Variants in IL16 observed in about 807,000 individuals in gnomAD.
The protein encoded by IL16 is interleukin 16.
IL16 carries 67 observed loss-of-function variants against 110.1 expected under a neutral mutation model. That is an observed-to-expected ratio of 0.61 (90% CI 0.50 to 0.75). IL16 has a LOEUF of 0.75. Among genes scored for constraint, IL16 ranks in the 30% least tolerant of loss-of-function variants. The pLI is 0.00. For synonymous variants in IL16, 689 were observed against 662.9 expected, an observed-to-expected ratio of 1.04 and a Z score of -0.61; for missense variants, 1,545 against 1,655.0, an observed-to-expected ratio of 0.93 and a Z score of 1.15.
chr15:81,218,470 T>G (rs573631165), intron 1 of IL16, among the ~76,000 whole-genome samples: 1 of 152,266 alleles, frequency 6.6e-6, no homozygotes, highest in Non-Finnish European at 1.5e-5. Flanking sequence ...CCACCAGACA[T>G]TTTAGAACCT....
intron 4 of IL16, 23 bp downstream of exon 4, chr15:81,265,824 T>G (rs377538612): frequency 3.8e-6 from 6 of 1,599,684 alleles, no homozygotes; most frequent in Admixed American, 1.7e-5. Flanking sequence ...GGAGGGAAAC[T>G]CAGAGAAGAG....
At chr15:81,276,127 A>G (rs186189781) in intron 6 of IL16, among the ~76,000 whole-genome samples, 5 of 152,324 alleles carry the variant, frequency 3.3e-5, no homozygotes, top group Admixed American at 6.5e-5. Context: ...TTTTAAATGT[A>G]TCTATTTTCC....
chr15:81,246,214 G>T (rs956490291), intron 2 of IL16, among the ~76,000 whole-genome samples: 2 of 152,004 alleles, frequency 1.3e-5, no homozygotes, highest in African/African-American at 4.8e-5. Flanking sequence ...TCTAAAATGC[G>T]AGAGTTTTAT....
chr15:81,303,819 G>A lies in IL16; in HGVS notation c.3420+169G>A, dbSNP rs942924281. On this transcript the variant is annotated intron_variant, in intron 16 of 18. Coordinates refer to ENST00000683961, the MANE Select transcript of IL16 (RefSeq NM_172217.5). The surrounding 1 kb of genome is among the most constrained non-coding windows in gnomAD (Gnocchi z 4.1). ...ACATCCCAGAGCCTGGGGCTGCGTG[G>A]AGAGGGTAGCAGGCCTGGCCATGGG... Among the ~76,000 whole-genome samples, 1 of 152,262 alleles carries A rather than the reference G, an allele frequency of 6.6e-6. No individual in the cohort carries two copies. The highest frequency in any genetic ancestry group is 2.4e-5 in the African/African-American group (1 of 41,472).
chr15:81,242,093 A>G (rs1483169229), intron 2 of IL16, among the ~76,000 whole-genome samples: 2 of 151,620 alleles, frequency 1.3e-5, no homozygotes, highest in African/African-American at 2.4e-5. Flanking sequence ...TGTGTTCTCT[A>G]TTCTATGTAT....
chr15:81,209,751 T>C (rs115480823), intron 1 of IL16, among the ~76,000 whole-genome samples: 12,791 of 152,162 alleles, frequency 0.084, 533 homozygotes, highest in Middle Eastern at 0.1. Flanking sequence ...CTAGTCCATG[T>C]CCTGTCTGCC....
intron 1 of IL16, among the ~76,000 whole-genome samples, chr15:81,203,729 G>A (rs1727046699): frequency 6.6e-6 from 1 of 152,190 alleles, no homozygotes; most frequent in African/African-American, 2.4e-5. Context: ...CTGCAGCCTT[G>A]TAGTATAGTT....
At chr15:81,199,436 G>A (rs191716858) in intron 1 of IL16, among the ~76,000 whole-genome samples, 52 of 152,322 alleles carry the variant, frequency 3.4e-4, no homozygotes, top group African/African-American at 1.2e-3. Flanking sequence ...GGAGGGAGGC[G>A]CTGTTCTTGC....
At chr15:81,277,596 A>T (rs886349011) in intron 6 of IL16, among the ~76,000 whole-genome samples, 3 of 152,094 alleles carry the variant, frequency 2.0e-5, no homozygotes, top group Admixed American at 6.5e-5. Context: ...GGTGCATGCC[A>T]CTACATCCAG....
intron 2 of IL16, among the ~76,000 whole-genome samples, chr15:81,233,970 T>C (rs1296492575): frequency 6.6e-6 from 1 of 152,136 alleles, no homozygotes; most frequent in Non-Finnish European, 1.5e-5. Context: ...TCTATGTGCA[T>C]AGACCTTTAT....
intron 1 of IL16, among the ~76,000 whole-genome samples, chr15:81,223,933 T>A (rs1238908403): frequency 6.6e-6 from 1 of 152,212 alleles, no homozygotes; most frequent in Admixed American, 6.5e-5. Flanking sequence ...AGTACAAAAC[T>A]TAGGCATGTT....
Position 81,292,734 on chromosome 15 carries a change from G to A in IL16, c.1599G>A (p.Pro533=), listed in dbSNP as rs200203181. 7.4e-5 allele frequency: 120 copies of A among 1,614,180 alleles called. No individual in the cohort carries two copies. The highest frequency in any genetic ancestry group is 5.2e-4 in the South Asian group (47 of 91,090). ...CTGGGAGTGGCAGTGCTGAGAAGCC[G>A]TCCTCTGACGTGGACATCAGCACAC... ...GSPGSGSAEK[P]SSDVDISTHS... is the part of the protein sequence containing the mutation. The change falls in exon 12 of 19, where the codon CCG becomes CCA. Residue 533 remains proline, a synonymous_variant. Transcript: ENST00000683961.
intron 1 of IL16, among the ~76,000 whole-genome samples, chr15:81,191,560 T>C (rs1353327793): frequency 6.6e-6 from 1 of 152,142 alleles, no homozygotes; most frequent in Non-Finnish European, 1.5e-5. Flanking sequence ...GGGACCTAGA[T>C]GGGGCGGATG....
At position 81,292,671 on chromosome 15, in the gene IL16, T is replaced by C. The variant is rs1567040564; in HGVS notation, c.1536T>C (p.Ser512=). The C allele has an allele frequency of 6.2e-7, 1 of 1,613,966 alleles. No homozygotes were observed. The highest frequency in any genetic ancestry group is 8.5e-7 in the Non-Finnish European group (1 of 1,179,996). ...RAQKVMIRSS[S]DSSYMSGSPG... ...AGAAGGTCATGATCCGCTCCAGCAG[T>C]GACAGCAGCTACATGTCTGGGTCCC... Residue 512 remains serine, a synonymous_variant, in exon 12 of 19, where the codon AGT becomes AGC. Transcript: ENST00000683961.
rs566977638 is a variant in IL16, at chr15:81,210,419, G to A, written c.-102+13267G>A. 6.0e-4 allele frequency among the ~76,000 whole-genome samples: 92 copies of A among 152,302 alleles called. 1 individual carries two copies. In the South Asian group the frequency reaches 0.019, roughly 32 times the overall value. ...GAAGAAGGACACTGGTAGTTTGATA[G>A]GAATAGCATTCAATCTTTAAATTGC... is the stretch of plus-strand genomic sequence containing the variant. On this transcript the variant is annotated intron_variant, in intron 1 of 18. Transcript: ENST00000683961.
chr15:81,294,278 G>T (rs569332984), intron 12 of IL16, among the ~76,000 whole-genome samples: 11 of 152,204 alleles, frequency 7.2e-5, no homozygotes, highest in Non-Finnish European at 1.6e-4. Context: ...GTTATCAGAT[G>T]GATCTGTTCT....
At chr15:81,219,962 G>A (rs751002216) in intron 1 of IL16, among the ~76,000 whole-genome samples, 1 of 152,122 alleles carries the variant, frequency 6.6e-6, no homozygotes, top group Non-Finnish European at 1.5e-5. Flanking sequence ...CTCTCCAGGA[G>A]GTAACAGTAT....
chr15:81,186,573 C>A (rs1895422912), intron 1 of IL16, among the ~76,000 whole-genome samples: 1 of 152,238 alleles, frequency 6.6e-6, no homozygotes, highest in Admixed American at 6.5e-5. Context: ...AAAAACAGAT[C>A]AGATGCCTGT....
At chr15:81,286,934 G>A (rs1169593034) in intron 10 of IL16, among the ~76,000 whole-genome samples, 1 of 152,218 alleles carries the variant, frequency 6.6e-6, no homozygotes, top group Non-Finnish European at 1.5e-5. Flanking sequence ...TAAGAGCCAA[G>A]TGAAAGGGGA....
Sources: gnomAD v4.1 joint callset for allele counts (sites outside exome capture counted in the v4.1 genomes callset) on GRCh38, gnomAD v4.1.1 for gene constraint, Gnocchi (gnomAD v3.1) non-coding constraint, MANE v1.5 for transcripts, NCBI Gene and HGNC (gene_info 2026-07-23, HGNC 2026-07-21) for gene names.